KCNH5: variants seen among roughly 807,000 people sequenced by gnomAD.
The protein encoded by KCNH5 is potassium voltage-gated channel subfamily H member 5.
KCNH5 carries 46 observed loss-of-function variants against 96.1 expected under a neutral mutation model. The observed-to-expected ratio is 0.48, with a 90% CI of 0.38 to 0.61. The LOEUF (loss-of-function observed/expected upper bound fraction) is 0.61, where lower values mean the gene tolerates loss of function less well. KCNH5 is among the 20% of genes least tolerant of loss of function. The pLI, the probability that KCNH5 is intolerant of heterozygous loss-of-function variation, is 0.00. For missense variants in KCNH5, 907 were observed against 1,225.8 expected, an observed-to-expected ratio of 0.74 and a Z score of 3.88; for synonymous variants, 439 against 449.8, an observed-to-expected ratio of 0.98 and a Z score of 0.30.
chr14:62,896,815 A>T (rs1888823072), intron 7 of KCNH5, among the ~76,000 whole-genome samples: 2 of 152,220 alleles, frequency 1.3e-5, no homozygotes, highest in African/African-American at 4.8e-5. Flanking sequence ...CGGAATATTT[A>T]GACATTGTCA....
intron 8 of KCNH5, among the ~76,000 whole-genome samples, chr14:62,811,644 C>G (rs555933667): frequency 6.6e-6 from 1 of 151,534 alleles, no homozygotes; most frequent in African/African-American, 2.4e-5. Flanking sequence ...TAAATAATAA[C>G]CAGAAATAGT....
At position 62,876,627 on chromosome 14, in the gene KCNH5, A is replaced by T. The variant is rs1209713352; in HGVS notation, c.1370-26775T>A. Among the ~76,000 whole-genome samples, 3 of 152,362 alleles carry T rather than the reference A, an allele frequency of 2.0e-5. No individual in the cohort carries two copies. In the East Asian group the frequency reaches 5.8e-4, roughly 29 times the overall value. ...AAGTAGCAGAAAAATGTAAGGATAAATTTAACTGAATATGTATAAATCCTG... is the reference window on the plus strand; with the variant it reads ...AAGTAGCAGAAAAATGTAAGGATAATTTTAACTGAATATGTATAAATCCTG... On this transcript the variant is annotated intron_variant, in intron 7 of 10. Coordinates refer to ENST00000322893, the MANE Select transcript of KCNH5 (RefSeq NM_139318.5).
chr14:62,919,184 C>T (rs998419322), intron 7 of KCNH5, among the ~76,000 whole-genome samples: 2 of 152,032 alleles, frequency 1.3e-5, no homozygotes, highest in Admixed American at 6.6e-5. Context: ...AGTATATTCA[C>T]TCAAATGCCA....
chr14:62,933,118 A>G (rs1484556388), intron 7 of KCNH5, among the ~76,000 whole-genome samples: 2 of 152,200 alleles, frequency 1.3e-5, no homozygotes, highest in Non-Finnish European at 2.9e-5. Flanking sequence ...AACTAGAGAA[A>G]GTCAGAAGGC....
intron 5 of KCNH5, 88 bp from the exon 6 acceptor site, chr14:62,981,352 G>A (rs2139568864): frequency 7.8e-7 from 1 of 1,281,060 alleles, no homozygotes; most frequent in African/African-American, 1.5e-5. Flanking sequence ...TCAAACCACA[G>A]CCAGTCATGC....
At chr14:62,813,754 A>T (rs1304491298) in intron 8 of KCNH5, among the ~76,000 whole-genome samples, 1 of 152,212 alleles carries the variant, frequency 6.6e-6, no homozygotes, top group East Asian at 1.9e-4. Context: ...GGAGAGAGTC[A>T]GGCAAGTGAC....
chr14:62,929,663 ACT>A (rs1555364163), intron 7 of KCNH5, among the ~76,000 whole-genome samples: 2 of 151,898 alleles, frequency 1.3e-5, no homozygotes, highest in Non-Finnish European at 2.9e-5. Flanking sequence ...TAAAATAAAA[ACT>A]CTTATTTTTC....
chr14:62,860,112 AC>A (rs1243169098), intron 7 of KCNH5, among the ~76,000 whole-genome samples: 1 of 152,218 alleles, frequency 6.6e-6, no homozygotes, highest in Non-Finnish European at 1.5e-5. Flanking sequence ...TTTAGGTTGC[AC>A]AGTGACTTGA....
intron 1 of KCNH5, among the ~76,000 whole-genome samples, chr14:63,034,785 T>C (rs1043687550): frequency 1.3e-5 from 2 of 152,224 alleles, no homozygotes; most frequent in Admixed American, 1.3e-4. Flanking sequence ...CATGAGATAC[T>C]TTAACATATA....
chr14:63,044,770 A>G (rs930254982), intron 1 of KCNH5, among the ~76,000 whole-genome samples: 1 of 152,176 alleles, frequency 6.6e-6, no homozygotes, highest in African/African-American at 2.4e-5. Flanking sequence ...CACTTTGGGG[A>G]AAAATGTGGG....
intron 8 of KCNH5, among the ~76,000 whole-genome samples, chr14:62,833,225 C>A (rs1887394418): frequency 6.6e-6 from 1 of 151,740 alleles, no homozygotes; most frequent in Non-Finnish European, 1.5e-5. Flanking sequence ...TTGTCAAAAC[C>A]AATGTAAAGA....
At chr14:62,782,671 C>T (rs185171503) in intron 9 of KCNH5, among the ~76,000 whole-genome samples, 8 of 152,048 alleles carry the variant, frequency 5.3e-5, no homozygotes, top group South Asian at 4.2e-4. Flanking sequence ...ATTAGCCGGG[C>T]GTGGTGGTGG....
At chr14:62,759,541 T>C (rs1017701095) in intron 10 of KCNH5, among the ~76,000 whole-genome samples, 2 of 86,774 alleles carry the variant, frequency 2.3e-5, no homozygotes, top group Admixed American at 2.4e-4. Flanking sequence ...TTTGATATCA[T>C]AAAGCTGGTT....
At chr14:62,847,155 A>T (rs1011211841) in intron 8 of KCNH5, among the ~76,000 whole-genome samples, 6 of 147,370 alleles carry the variant, frequency 4.1e-5, no homozygotes, top group Non-Finnish European at 6.0e-5. Flanking sequence ...TATATTTTTT[A>T]TATATATATA....
intron 1 of KCNH5, among the ~76,000 whole-genome samples, chr14:63,027,540 G>C (rs973161848): frequency 3.3e-5 from 5 of 149,824 alleles, no homozygotes; most frequent in Admixed American, 2.0e-4. Flanking sequence ...AATACTTTAG[G>C]GTATACTATA....
At chr14:62,717,418 G>A (rs917416471) in intron 10 of KCNH5, among the ~76,000 whole-genome samples, 1 of 152,116 alleles carries the variant, frequency 6.6e-6, no homozygotes, top group African/African-American at 2.4e-5. Flanking sequence ...AAAGGATTTG[G>A]TACTGGCATA....
chr14:62,830,950 C>T (rs933871867), intron 8 of KCNH5, among the ~76,000 whole-genome samples: 5 of 152,024 alleles, frequency 3.3e-5, no homozygotes, highest in Admixed American at 2.0e-4. Flanking sequence ...GCTAAGCTTC[C>T]AAGGAAAGCA....
intron 5 of KCNH5, among the ~76,000 whole-genome samples, chr14:62,985,795 T>A (rs984985453): frequency 1.2e-4 from 18 of 152,108 alleles, no homozygotes; most frequent in African/African-American, 4.3e-4. Context: ...GCCAGACCCA[T>A]AAATCTCCCT....
At chr14:62,805,115 CT>C (rs1886739230) in intron 8 of KCNH5, among the ~76,000 whole-genome samples, 1 of 152,112 alleles carries the variant, frequency 6.6e-6, no homozygotes, top group Non-Finnish European at 1.5e-5. Context: ...AAACATTACA[CT>C]GAATACCTTA....
Sources: gnomAD v4.1 joint callset for allele counts (sites outside exome capture counted in the v4.1 genomes callset) on GRCh38, gnomAD v4.1.1 for gene constraint, MANE v1.5 for transcripts, NCBI Gene and HGNC (gene_info 2026-07-23, HGNC 2026-07-21) for gene names.